CARD10: variants seen among roughly 807,000 people sequenced by gnomAD.
The protein encoded by CARD10 is caspase recruitment domain-containing protein 10.
In CARD10, 49 loss-of-function variants were observed where a neutral mutation model predicts 114.6. The observed-to-expected ratio is 0.43, with a 90% CI of 0.34 to 0.54. The LOEUF (loss-of-function observed/expected upper bound fraction) is 0.54, where lower values mean the gene tolerates loss of function less well. Ranked by LOEUF, CARD10 falls within the 20% of genes least tolerant of loss-of-function variation. CARD10 has a pLI of 0.03. For synonymous variants in CARD10, 602 were observed against 593.2 expected (o/e 1.01, Z -0.21); for missense variants, 1,206 against 1,397.2 (o/e 0.86, Z 2.18).
chr22:37,516,478 A>G (rs781437161), intron 2 of CARD10, among the ~76,000 whole-genome samples, 180 bp from the exon 3 acceptor site: 1 of 152,132 alleles, frequency 6.6e-6, no homozygotes. Context: ...GAGTTATAAG[A>G]GAAAAAAGAT....
Position 37,496,027 on chromosome 22 carries a change from C to A in CARD10, c.2060-24G>T. The stretch of plus-strand genomic sequence containing the variant: ...GGCTGGGCATGGATGGGGCAGGGGG[C>A]AGCAAGGAGGACAAGAGGAGGATGG... On this transcript the variant is annotated intron_variant, in intron 13 of 19. Transcript: ENST00000251973. The surrounding 1 kb of genome is among the most constrained non-coding windows in gnomAD (Gnocchi z 4.1). 2 of 1,610,256 alleles carry A rather than the reference C, an allele frequency of 1.2e-6. No individual in the cohort carries two copies. The highest frequency in any genetic ancestry group is 1.7e-6 in the Non-Finnish European group (2 of 1,177,546).
rs1923203886 is a variant in CARD10, at chr22:37,501,324, G to T, written c.1787+1278C>A. ...CCTGGCTGCATCCTGGCGCCCCCTG[G>T]ACAACAGCCAGGACCCCTGCTGCAG... On this transcript the variant is annotated intron_variant, in intron 11 of 19. Coordinates refer to ENST00000251973, the MANE Select transcript of CARD10 (RefSeq NM_014550.4). The surrounding 1 kb of genome is among the most constrained non-coding windows in gnomAD (Gnocchi z 5.4). 2.0e-5 allele frequency among the ~76,000 whole-genome samples: 3 copies of T among 152,170 alleles called. No individual in the cohort carries two copies. The South Asian group carries it at 6.2e-4, about 32-fold the overall frequency.
At position 37,518,959 on chromosome 22, in the gene CARD10, G is replaced by A. The variant is rs758383579; in HGVS notation, c.235+7C>T. ...AGGTCGTGGCCCACTCGGGACCCGC[G>A]GCTCACCGGTGCGGTTGACGCGGCA... On this transcript the variant is annotated splice_region_variant and intron_variant, in intron 1 of 19. Transcript: ENST00000251973. 1.1e-5 allele frequency: 16 copies of A among 1,522,472 alleles called. No individual in the cohort carries two copies. The highest frequency in any genetic ancestry group is 1.9e-5 in the Admixed American group (1 of 51,828). 94.3% of individuals were successfully genotyped at this position (1,522,472 alleles called of 1,614,324 possible). A position where few individuals can be genotyped will look rare whatever the true frequency, so the allele number is the denominator to read the frequency against.
rs1204564105 is a variant in CARD10, at chr22:37,490,519, G to GTCC, written c.*637_*639dup. The GTCC allele has an allele frequency of 6.6e-6, 1 of 152,414 alleles. No homozygotes were observed. The highest frequency in any genetic ancestry group is 1.9e-4 in the East Asian group (1 of 5,170). 9.4% of individuals were successfully genotyped at this position (152,414 alleles called of 1,614,324 possible). A position where few individuals can be genotyped will look rare whatever the true frequency, so the allele number is the denominator to read the frequency against. On this transcript the variant is annotated 3_prime_UTR_variant, in exon 20 of 20. Coordinates refer to ENST00000251973, the MANE Select transcript of CARD10 (RefSeq NM_014550.4). The stretch of plus-strand genomic sequence containing the variant: ...CAGGGAGTGGGCCCTGTGAGGCACG[G>GTCC]TCCTGAGTGTGCCCGCCAGGAACGC...
Position 37,501,865 on chromosome 22 carries a change from A to G in CARD10, c.1787+737T>C, listed in dbSNP as rs1473421862. On this transcript the variant is annotated intron_variant, in intron 11 of 19. Transcript: ENST00000251973. The surrounding 1 kb of genome is among the most constrained non-coding windows in gnomAD (Gnocchi z 5.4). ...CCAGAGTGTACAAGCCAAAGTCCAC[A>G]CTTTCCCAGCCTGACTCAGGAAGCC... 6.6e-6 allele frequency among the ~76,000 whole-genome samples: 1 copy of G among 152,102 alleles called. No homozygotes were observed. Among genetic ancestry groups the G allele is most frequent in the Non-Finnish European group, 1.5e-5 (1 of 67,990 alleles).
At position 37,490,392 on chromosome 22, in the gene CARD10, T is replaced by C. The variant is rs561366710; in HGVS notation, c.*767A>G. 4 of 152,210 alleles carry C rather than the reference T, an allele frequency of 2.6e-5. No homozygotes were observed. The highest frequency in any genetic ancestry group is 3.9e-4 in the East Asian group (2 of 5,156). 9.4% of individuals were successfully genotyped at this position (152,210 alleles called of 1,614,324 possible). A position where few individuals can be genotyped will look rare whatever the true frequency, so the allele number is the denominator to read the frequency against. On this transcript the variant is annotated 3_prime_UTR_variant, in exon 20 of 20. Transcript: ENST00000251973. ...GACAAAAGTGTTTAATGCTCCATAA[T>C]GTGCAGCTTCTAAGTGAAAAAGGCC...
At chr22:37,512,232 T>C (rs1453908208) in intron 3 of CARD10, 2 of 152,210 alleles carry the variant, frequency 1.3e-5, no homozygotes, top group Non-Finnish European at 2.9e-5. Flanking sequence ...TGCTGGACTA[T>C]GAGTGCACTC....
At chr22:37,506,623 G>A (rs141372199) in intron 6 of CARD10, among the ~76,000 whole-genome samples, 3 of 152,278 alleles carry the variant, frequency 2.0e-5, no homozygotes, top group East Asian at 1.9e-4. Context: ...AGCCAGGAGC[G>A]ACAGAGCTGG....
In CARD10 at chr22:37,508,552, T is replaced by C. The variant is rs145660506; in HGVS notation, c.1040A>G (p.Gln347Arg). Residue 347 changes from glutamine (Q) to arginine (R), a missense_variant, in exon 5 of 20, where the codon CAG becomes CGG. Physicochemically the swap from Gln to Arg is conservative, Grantham distance 43. Around this residue, in one of 2 missense-constraint regions of CARD10, gnomAD observed 1,068 missense variants for 1,179.1 expected, o/e 0.91. Transcript: ENST00000251973. ...CTGGTCGCGCAGCTCCTCGGCCCAC[T>C]GCAGCTCCCCCTGCACGGCATGCAG... Reference protein sequence around the residue: ...QKLHAVQGELQWAEELRDQYL... With the variant: ...QKLHAVQGELRWAEELRDQYL... 10 of 1,597,702 alleles carry C rather than the reference T, an allele frequency of 6.3e-6. No homozygotes were observed. In the African/African-American group the frequency reaches 8.0e-5, roughly 13 times the overall value.
intron 4 of CARD10, 94 bp downstream of exon 4, chr22:37,510,114 ATCCC>A (rs1413723775): frequency 6.8e-6 from 5 of 738,534 alleles, no homozygotes; most frequent in African/African-American, 2.2e-5. Flanking sequence ...GGCCTTCCTG[ATCCC>A]CCACCCCGCA....
In CARD10 at chr22:37,508,811, C is replaced by A. The variant is rs1923508945; in HGVS notation, c.910-129G>T. On this transcript the variant is annotated intron_variant, in intron 4 of 19. Coordinates refer to ENST00000251973, the MANE Select transcript of CARD10 (RefSeq NM_014550.4). The stretch of plus-strand genomic sequence containing the variant: ...CCAGCTCTGCCATGCTGGCCCGGGG[C>A]CTCGACCCTCTCTGGATCTCTGTCT... The A allele has an allele frequency of 3.2e-6, 4 of 1,237,460 alleles. No individual in the cohort carries two copies. In the East Asian group the frequency reaches 1.0e-4, roughly 32 times the overall value. 76.7% of individuals were successfully genotyped at this position (1,237,460 alleles called of 1,614,324 possible).
At chr22:37,495,688 G>T (rs975598825) in intron 14 of CARD10, 72 bp downstream of exon 14, 5 of 1,610,068 alleles carry the variant, frequency 3.1e-6, no homozygotes, top group Admixed American at 3.3e-5. Context: ...GAATGCAGGT[G>T]GAGGGAGAGC....
intron 6 of CARD10, among the ~76,000 whole-genome samples, chr22:37,506,893 C>G (rs963189966): frequency 6.6e-6 from 1 of 152,194 alleles, no homozygotes; most frequent in Non-Finnish European, 1.5e-5. Flanking sequence ...TTCCTGGGGC[C>G]CACCCCAGAC....
chr22:37,511,183 G>A (rs1040996265), intron 3 of CARD10, among the ~76,000 whole-genome samples: 8 of 151,168 alleles, frequency 5.3e-5, no homozygotes, highest in Admixed American at 4.0e-4. Context: ...GTGAGACCTC[G>A]TCTCGACAAA....
At chr22:37,505,614 G>A (rs1334389695) in intron 7 of CARD10, among the ~76,000 whole-genome samples, 4 of 151,464 alleles carry the variant, frequency 2.6e-5, no homozygotes, top group Non-Finnish European at 5.9e-5. Flanking sequence ...ATCCAGCCTG[G>A]GTGATACAGC....
At position 37,491,294 on chromosome 22, in the gene CARD10, C is replaced by T; in HGVS notation, c.2964G>A (p.Gln988=). 1 of 1,568,986 alleles carries T rather than the reference C, an allele frequency of 6.4e-7. No individual in the cohort carries two copies. Among genetic ancestry groups the T allele is most frequent in the Non-Finnish European group, 8.6e-7 (1 of 1,163,490 alleles). ...CGTGTCCCCACTCATGGGCGGGCAC[C>T]TGCACCCAGGAGCAGGGCAGCCCCC... is the stretch of plus-strand genomic sequence containing the variant. ...VLWGLPCSWV[Q]VPAHEWGHAE... is the part of the protein sequence containing the mutation. The change falls in exon 20 of 20, where the codon CAG becomes CAA. Residue 988 remains glutamine (Q), a synonymous_variant. Transcript: ENST00000251973.
chr22:37,510,714 C>T lies in CARD10; in HGVS notation c.700-293G>A, dbSNP rs1923608760. Reference sequence around the variant, plus strand: ...ATCACGACACGCTGTCTGTCCCGCACTTCTGACACTGACTCCCGTCAATTT... The same window carrying T: ...ATCACGACACGCTGTCTGTCCCGCATTTCTGACACTGACTCCCGTCAATTT... On this transcript the variant is annotated intron_variant, in intron 3 of 19. Transcript: ENST00000251973. 7.0e-6 allele frequency: 3 copies of T among 426,330 alleles called. No individual in the cohort carries two copies. The South Asian group carries it at 1.3e-4, about 18-fold the overall frequency. 26.4% of individuals were successfully genotyped at this position (426,330 alleles called of 1,614,324 possible). A position where few individuals can be genotyped will look rare whatever the true frequency, so the allele number is the denominator to read the frequency against.
chr22:37,494,261 C>A lies in CARD10; in HGVS notation c.2374-73G>T, dbSNP rs1012223283. On this transcript the variant is annotated intron_variant, in intron 15 of 19. Transcript: ENST00000251973. ...CCCTCAGGGAGAGGAGGAAACGGGA[C>A]CCCTGGCACAGCGGGCCCCACTGCC... 12 of 1,050,846 alleles carry A rather than the reference C, an allele frequency of 1.1e-5. No individual in the cohort carries two copies. In the South Asian group the frequency reaches 1.8e-4, roughly 16 times the overall value. The allele number at this position is 1,050,846 out of a possible 1,614,324, so 65.1% of individuals were successfully genotyped here.
chr22:37,516,644 T>C (rs1028632046), intron 2 of CARD10, among the ~76,000 whole-genome samples: 3 of 152,184 alleles, frequency 2.0e-5, no homozygotes, highest in Non-Finnish European at 2.9e-5. Flanking sequence ...AATAAAAATA[T>C]GGACAAAAAC....
Sources: allele counts gnomAD v4.1 joint callset (sites outside exome capture counted in the v4.1 genomes callset), GRCh38; gene constraint gnomAD v4.1.1; regional missense constraint gnomAD v4.1.1; non-coding constraint Gnocchi (gnomAD v3.1); transcripts MANE v1.5; gene names NCBI Gene and HGNC (gene_info 2026-07-23, HGNC 2026-07-21).